ATP8A1: variants seen among roughly 807,000 people sequenced by gnomAD.
ATP8A1 encodes the protein ATPase phospholipid transporting 8A1.
Under a neutral mutation model 177.7 loss-of-function variants are expected in ATP8A1, and 90 were observed. The ratio of observed to expected loss-of-function variants is 0.51; its 90% confidence interval spans 0.43 to 0.60. The LOEUF is 0.60. Among genes scored for constraint, ATP8A1 ranks in the 20% least tolerant of loss-of-function variants. The pLI is 0.00. For missense variants in ATP8A1, 1,072 were observed against 1,392.8 expected (o/e 0.77, Z 3.67); for synonymous variants, 493 against 485.9 (o/e 1.01, Z -0.19).
chr4:42,478,845 T>A (rs1016100342), intron 25 of ATP8A1, among the ~76,000 whole-genome samples: 2 of 152,194 alleles, frequency 1.3e-5, no homozygotes, highest in Non-Finnish European at 2.9e-5. Context: ...TTTTCTTGGT[T>A]CTGATGGCAT....
intron 30 of ATP8A1, among the ~76,000 whole-genome samples, chr4:42,447,197 T>A (rs957070842): frequency 6.6e-6 from 1 of 152,066 alleles, no homozygotes; most frequent in Non-Finnish European, 1.5e-5. Flanking sequence ...TATTTATTTA[T>A]TTTTTTTAGA....
At chr4:42,432,325 G>A (rs1715400863) in intron 33 of ATP8A1, among the ~76,000 whole-genome samples, 1 of 152,070 alleles carries the variant, frequency 6.6e-6, no homozygotes, top group African/African-American at 2.4e-5. Context: ...TATTTTTATG[G>A]CAAGGTAGAA....
chr4:42,649,387 T>C (rs1039700364), intron 1 of ATP8A1, among the ~76,000 whole-genome samples: 2 of 152,146 alleles, frequency 1.3e-5, no homozygotes, highest in Non-Finnish European at 2.9e-5. Context: ...TCCTAACAAA[T>C]ATATCTTTTC....
intron 33 of ATP8A1, among the ~76,000 whole-genome samples, chr4:42,435,449 ACAAAAAAAAAAAAAC>A (rs1715845575): frequency 7.1e-5 from 4 of 55,954 alleles, no homozygotes; most frequent in African/African-American, 3.2e-4. Flanking sequence ...AAAAAAAAAA[ACAAAAAAAAAAAAAC>A]AAACTATCTC....
At position 42,603,170 on chromosome 4, in the gene ATP8A1, T is replaced by C. The variant is rs112478566; in HGVS notation, c.410-2652A>G. On this transcript the variant is annotated intron_variant, in intron 5 of 36. Transcript: ENST00000381668. ...AATAAGCTCCAGAGAACACACTATC[T>C]TCCTGGAATTTGATTTGGGTCTCAA... 9.8e-5 allele frequency among the ~76,000 whole-genome samples: 15 copies of C among 152,326 alleles called. 1 individual carries two copies. The highest frequency in any genetic ancestry group is 3.6e-4 in the African/African-American group (15 of 41,572).
chr4:42,577,148 T>G (rs1411284790), intron 12 of ATP8A1, among the ~76,000 whole-genome samples: 1 of 152,230 alleles, frequency 6.6e-6, no homozygotes, highest in Non-Finnish European at 1.5e-5. Context: ...AATTATATAA[T>G]TCTTTGAAAG....
At chr4:42,423,531 C>T (rs1714234723) in intron 34 of ATP8A1, 86 bp downstream of exon 34, 4 of 858,678 alleles carry the variant, frequency 4.7e-6, no homozygotes, top group Non-Finnish European at 5.4e-6. Context: ...GCAAGCTCTA[C>T]ATGCTTGAGT....
rs1208086548 is a variant in ATP8A1 at position 42,411,461 on chromosome 4, T to TA, written c.*1454dup. 6.6e-6 allele frequency: 1 copy of TA among 152,202 alleles called. No individual in the cohort carries two copies. The highest frequency in any genetic ancestry group is 2.4e-5 in the African/African-American group (1 of 41,456). 9.4% of individuals were successfully genotyped at this position (152,202 alleles called of 1,614,324 possible). On this transcript the variant is annotated 3_prime_UTR_variant, in exon 37 of 37. Transcript: ENST00000381668. ...AGCAGGCTTTTGAGTAAAAGGCAAATAGTTTGCTTCAATCTCTGAAGTGTA... is the reference window on the plus strand; with the variant it reads ...AGCAGGCTTTTGAGTAAAAGGCAAATAAGTTTGCTTCAATCTCTGAAGTGTA...
At chr4:42,425,004 C>T (rs1376538906) in intron 33 of ATP8A1, among the ~76,000 whole-genome samples, 4 of 152,168 alleles carry the variant, frequency 2.6e-5, no homozygotes, top group South Asian at 2.1e-4. Flanking sequence ...GACATGTTTG[C>T]TGACATCCTC....
rs981039226 is a variant in ATP8A1 at position 42,471,066 on chromosome 4, C to T, written c.2325-5990G>A. Among the ~76,000 whole-genome samples, 3 of 150,464 alleles carry T rather than the reference C, an allele frequency of 2.0e-5. No homozygotes were observed. The East Asian group carries it at 5.8e-4, about 29-fold the overall frequency. ...ACATTGAGAAAAAATTAAGATACAG[C>T]AAAAAAAAACCTGATGTACAAAAAC... On this transcript the variant is annotated intron_variant, in intron 25 of 36. Transcript: ENST00000381668.
intron 24 of ATP8A1, among the ~76,000 whole-genome samples, chr4:42,488,908 C>A (rs1032737655): frequency 1.3e-5 from 2 of 152,164 alleles, no homozygotes; most frequent in African/African-American, 4.8e-5. Context: ...GCAGTGTCTG[C>A]AATTACAGAT....
chr4:42,427,165 G>C (rs1449216853), intron 33 of ATP8A1, among the ~76,000 whole-genome samples: 1 of 152,028 alleles, frequency 6.6e-6, no homozygotes, highest in East Asian at 1.9e-4. Flanking sequence ...AACTATGAAA[G>C]GATGCTTTAA....
chr4:42,651,717 G>A (rs1253568641), intron 1 of ATP8A1, among the ~76,000 whole-genome samples: 2 of 152,160 alleles, frequency 1.3e-5, no homozygotes, highest in Non-Finnish European at 1.5e-5. Flanking sequence ...TATTGTACAT[G>A]ATGGCTGGCA....
At chr4:42,644,377 GAA>G (rs1373138514) in intron 1 of ATP8A1, among the ~76,000 whole-genome samples, 3 of 152,098 alleles carry the variant, frequency 2.0e-5, no homozygotes, top group African/African-American at 7.2e-5. Flanking sequence ...AACGTTAAAC[GAA>G]GAGACAGAAA....
chr4:42,495,689 T>C (rs1229448480), intron 24 of ATP8A1, among the ~76,000 whole-genome samples: 2 of 152,024 alleles, frequency 1.3e-5, no homozygotes, highest in African/African-American at 4.8e-5. Context: ...TAGAACATAA[T>C]GTTGAAAAAC....
chr4:42,415,403 T>C (rs1255301635), intron 35 of ATP8A1, among the ~76,000 whole-genome samples: 2 of 152,170 alleles, frequency 1.3e-5, no homozygotes. Flanking sequence ...CAAATCCAGA[T>C]AATTATGTAA....
chr4:42,555,094 T>TATCTATCTATCTATCTATCTATCTATCTA (rs1729936558), intron 16 of ATP8A1, among the ~76,000 whole-genome samples: 1 of 69,706 alleles, frequency 1.4e-5, no homozygotes, highest in South Asian at 4.9e-4. Flanking sequence ...TGTATCTATC[T>TATCTATCTATCTATCTATCTATCTATCTA]ATCTATCTAT....
At chr4:42,456,864 C>T (rs972960047) in intron 27 of ATP8A1, among the ~76,000 whole-genome samples, 3 of 152,116 alleles carry the variant, frequency 2.0e-5, no homozygotes, top group Non-Finnish European at 4.4e-5. Context: ...ATTATGGAAG[C>T]ATGAATTACT....
intron 22 of ATP8A1, among the ~76,000 whole-genome samples, chr4:42,509,775 C>A (rs1724807184): frequency 6.7e-6 from 1 of 149,114 alleles, no homozygotes; most frequent in South Asian, 2.1e-4. Context: ...TGGCATGAAC[C>A]CAGGAAGCGG....
Sources: allele counts gnomAD v4.1 joint callset (sites outside exome capture counted in the v4.1 genomes callset), GRCh38; gene constraint gnomAD v4.1.1; transcripts MANE v1.5; gene names NCBI Gene and HGNC (gene_info 2026-07-23, HGNC 2026-07-21).